The following SLC13A2 variants were observed in gnomAD, a reference collection of about 807,000 sequenced individuals.
SLC13A2 encodes solute carrier family 13 member 2.
SLC13A2 carries 40 observed loss-of-function variants against 58.5 expected under a neutral mutation model. The ratio of observed to expected loss-of-function variants is 0.68; its 90% CI spans 0.53 to 0.89. SLC13A2 has a LOEUF of 0.89. Among genes scored for constraint, SLC13A2 ranks in the 40% least tolerant of loss-of-function variants. The pLI is 0.00. For missense variants in SLC13A2, 694 were observed against 772.6 expected (o/e 0.90, Z 1.21); for synonymous variants, 341 against 331.6 (o/e 1.03, Z -0.31).
chr17:28,483,005 G>T (rs1303221926), intron 1 of SLC13A2, among the ~76,000 whole-genome samples: 1 of 152,240 alleles, frequency 6.6e-6, no homozygotes, highest in Non-Finnish European at 1.5e-5. Context: ...GGGCAGAGGG[G>T]CAGTGGGAGT....
In SLC13A2 at chr17:28,473,787, GC is replaced by G; in HGVS notation, c.77del (p.Pro26LeufsTer39). ...IVFFVPILLLPLPILVPSKEA... is the reference protein window; with the variant it reads ...IVFFVPILLLXLPILVPSKEA... The stretch of plus-strand genomic sequence containing the variant: ...TGTTCTTCGTGCCCATTCTCCTGCT[GC>G]CTCTGCCCATCCTCGTCCCCAGTAA... On this transcript the variant is annotated frameshift_variant, in exon 1 of 12. Coordinates refer to ENST00000314669, the MANE Select transcript of SLC13A2 (RefSeq NM_003984.4). LOFTEE classifies it high-confidence loss of function. The G allele has an allele frequency of 6.2e-7, 1 of 1,614,126 alleles. No homozygotes were observed. Among genetic ancestry groups the G allele is most frequent in the Non-Finnish European group, 8.5e-7 (1 of 1,180,018 alleles).
At chr17:28,476,959 C>T (rs578024247) in intron 1 of SLC13A2, among the ~76,000 whole-genome samples, 2 of 151,072 alleles carry the variant, frequency 1.3e-5, no homozygotes, top group East Asian at 3.9e-4. Context: ...GAGTTTGAGA[C>T]CAGCCTGGCC....
In SLC13A2 at chr17:28,494,899, T is replaced by C. The variant is rs1316839825; in HGVS notation, c.1308+387T>C. On this transcript the variant is annotated intron_variant, in intron 9 of 11. Transcript: ENST00000314669. This position sits in a 1 kb window ranked among gnomAD's most constrained non-coding sequence, Gnocchi z 4.0. ...CCTCCGCAGCCACCAGGGGGCACCA[T>C]GATCACACCCACCCAGGCTCTGGGG... 6.6e-6 allele frequency among the ~76,000 whole-genome samples: 1 copy of C among 152,094 alleles called. No homozygotes were observed. The highest frequency in any genetic ancestry group is 1.5e-5 in the Non-Finnish European group (1 of 68,014).
chr17:28,489,481 G>C (rs935868174), intron 2 of SLC13A2, 139 bp downstream of exon 2: 1 of 1,008,852 alleles, frequency 9.9e-7, no homozygotes, highest in Non-Finnish European at 1.4e-6. Context: ...GCATGAGGAA[G>C]AAGTCAGCTA....
chr17:28,484,574 A>AGT (rs2068843529), intron 1 of SLC13A2, among the ~76,000 whole-genome samples: 1 of 151,848 alleles, frequency 6.6e-6, no homozygotes, highest in South Asian at 2.1e-4. Context: ...TTTTGAGATG[A>AGT]GTGTGTGTGT....
At chr17:28,483,475 A>G (rs1567848724) in intron 1 of SLC13A2, among the ~76,000 whole-genome samples, 1 of 152,222 alleles carries the variant, frequency 6.6e-6, no homozygotes, top group East Asian at 1.9e-4. Context: ...CAAAAAAAAA[A>G]AAATTGTTTT....
intron 1 of SLC13A2, among the ~76,000 whole-genome samples, chr17:28,482,342 G>A (rs368957108): frequency 4.6e-5 from 7 of 152,068 alleles, no homozygotes; most frequent in Admixed American, 2.0e-4. Flanking sequence ...GTGAGCCACC[G>A]CACCCAGCCT....
Position 28,490,713 on chromosome 17 carries a change from C to G in SLC13A2, c.381C>G (p.Gly127=). 1.2e-6 allele frequency: 2 copies of G among 1,613,478 alleles called. No homozygotes were observed. Among genetic ancestry groups the G allele is most frequent in the Non-Finnish European group, 1.7e-6 (2 of 1,179,612 alleles). Residue 127 remains glycine (G), a synonymous_variant, in exon 4 of 12, where the codon GGC becomes GGG. Transcript: ENST00000314669. ...TGCCCATCCCTAGGCTAATCCTGGGCTTCATGCTGGTCACGGCCTTCCTGT... is the reference window on the plus strand; with the variant it reads ...TGCCCATCCCTAGGCTAATCCTGGGGTTCATGCTGGTCACGGCCTTCCTGT... ...VGVRPAPLIL[G]FMLVTAFLSM... is the part of the protein sequence containing the mutation.
chr17:28,481,060 C>A (rs1249048585), intron 1 of SLC13A2, among the ~76,000 whole-genome samples: 1 of 152,206 alleles, frequency 6.6e-6, no homozygotes, highest in Non-Finnish European at 1.5e-5. Flanking sequence ...TTTATCGGCA[C>A]CTGCTAGGTG....
At chr17:28,483,301 C>A (rs73989122) in intron 1 of SLC13A2, among the ~76,000 whole-genome samples, 3,679 of 152,272 alleles carry the variant, frequency 0.024, 142 homozygotes, top group African/African-American at 0.084. Flanking sequence ...CCAGCACCAA[C>A]CCTGCTATGG....
intron 1 of SLC13A2, among the ~76,000 whole-genome samples, chr17:28,477,855 C>T (rs1362288187): frequency 5.3e-5 from 8 of 151,936 alleles, no homozygotes; most frequent in East Asian, 2.0e-4. Context: ...GTCAGGAGTT[C>T]GAGACCAGCC....
chr17:28,486,417 T>C (rs760263736), intron 1 of SLC13A2, among the ~76,000 whole-genome samples: 8 of 152,336 alleles, frequency 5.3e-5, no homozygotes, highest in Non-Finnish European at 1.0e-4. Flanking sequence ...CAGAACTCCA[T>C]GCCCCAGTTA....
chr17:28,474,763 A>G (rs2068643061), intron 1 of SLC13A2, among the ~76,000 whole-genome samples: 1 of 152,148 alleles, frequency 6.6e-6, no homozygotes, highest in South Asian at 2.1e-4. Context: ...CCTCTGGCAA[A>G]TCACACAGCT....
At chr17:28,481,503 G>A (rs534871151) in intron 1 of SLC13A2, among the ~76,000 whole-genome samples, 25 of 152,282 alleles carry the variant, frequency 1.6e-4, no homozygotes, top group Non-Finnish European at 3.1e-4. Context: ...AGCCATAGGC[G>A]GCTAACTAGA....
In SLC13A2 at chr17:28,473,907, C is replaced by T. The variant is rs1249429452; in HGVS notation, c.102+93C>T. 4 of 1,002,764 alleles carry T rather than the reference C, an allele frequency of 4.0e-6. No individual in the cohort carries two copies. In the African/African-American group the frequency reaches 4.8e-5, roughly 12 times the overall value. The allele number at this position is 1,002,764 out of a possible 1,614,324, so 62.1% of individuals were successfully genotyped here. ...TGGGCATCCTTAGGATCCAGCATAA[C>T]TTCCTCACTGCCCCTGCCCTGGAAG... On this transcript the variant is annotated intron_variant, in intron 1 of 11. Coordinates refer to ENST00000314669, the MANE Select transcript of SLC13A2 (RefSeq NM_003984.4).
intron 1 of SLC13A2, among the ~76,000 whole-genome samples, chr17:28,488,645 A>ACATAGC (rs1422974223): frequency 6.6e-6 from 1 of 152,200 alleles, no homozygotes; most frequent in Non-Finnish European, 1.5e-5. Flanking sequence ...GGGAAACTTC[A>ACATAGC]CATAGCCTAT....
chr17:28,486,431 A>C (rs782220775), intron 1 of SLC13A2, among the ~76,000 whole-genome samples: 2 of 152,204 alleles, frequency 1.3e-5, no homozygotes, highest in Non-Finnish European at 2.9e-5. Context: ...CCAGTTAAGA[A>C]TCTCATGATG....
Position 28,491,561 on chromosome 17 carries a change from C to G in SLC13A2, c.699C>G (p.Gly233=). 6.2e-7 allele frequency: 1 copy of G among 1,613,650 alleles called. No individual in the cohort carries two copies. Among genetic ancestry groups the G allele is most frequent in the Non-Finnish European group, 8.5e-7 (1 of 1,180,030 alleles). Residue 233 remains glycine (G), a synonymous_variant, in exon 5 of 12, where the codon GGC becomes GGG. Coordinates refer to ENST00000314669, the MANE Select transcript of SLC13A2 (RefSeq NM_003984.4). ...TGTGCTACTCCGCCAGCATCGGGGG[C>G]ATCGCCACGCTGACTGGCACCGCAC... is the stretch of plus-strand genomic sequence containing the variant. ...LCVCYSASIG[G]IATLTGTAPN... is the part of the protein sequence containing the mutation.
intron 1 of SLC13A2, among the ~76,000 whole-genome samples, chr17:28,480,064 G>C (rs1219598415): frequency 1.3e-5 from 2 of 151,238 alleles, no homozygotes; most frequent in Non-Finnish European, 2.9e-5. Flanking sequence ...TGAGGCAGGA[G>C]ATTCTCTTGA....
Sources: gnomAD v4.1 joint callset for allele counts (sites outside exome capture counted in the v4.1 genomes callset) on GRCh38, gnomAD v4.1.1 for gene constraint, Gnocchi (gnomAD v3.1) non-coding constraint, MANE v1.5 for transcripts, NCBI Gene and HGNC (gene_info 2026-07-23, HGNC 2026-07-21) for gene names.